TBC1D32: variants seen among roughly 807,000 people sequenced by gnomAD.
TBC1D32 encodes protein broad-minded.
Under a neutral mutation model 170.3 loss-of-function variants are expected in TBC1D32, and 151 were observed. The ratio of observed to expected loss-of-function variants is 0.89; its 90% CI spans 0.78 to 1.01. TBC1D32 has a LOEUF of 1.01. Among genes scored for constraint, TBC1D32 ranks in the 50% least tolerant of loss-of-function variants. The pLI, the probability that TBC1D32 is intolerant of heterozygous loss-of-function variation, is 0.00. For synonymous variants in TBC1D32, 498 were observed against 488.0 expected, an observed-to-expected ratio of 1.02 and a Z score of -0.27; for missense variants, 1,464 against 1,457.1, an observed-to-expected ratio of 1.00 and a Z score of -0.08.
chr6:121,285,629 T>C (rs888215152), intron 12 of TBC1D32, among the ~76,000 whole-genome samples: 4 of 152,090 alleles, frequency 2.6e-5, no homozygotes, highest in African/African-American at 4.8e-5. Context: ...AACTGAGCCT[T>C]GAAGAGAGTA....
chr6:121,169,434 A>G (rs183563248), intron 22 of TBC1D32, among the ~76,000 whole-genome samples: 533 of 152,322 alleles, frequency 3.5e-3, no homozygotes, highest in Non-Finnish European at 5.2e-3. Flanking sequence ...CTTAAAATAC[A>G]AAAGCTAAAT....
intron 15 of TBC1D32, among the ~76,000 whole-genome samples, chr6:121,269,031 G>C (rs190826674): frequency 6.6e-6 from 1 of 152,128 alleles, no homozygotes; most frequent in African/African-American, 2.4e-5. Context: ...AAGTGAAGGA[G>C]AAATCAAATC....
At chr6:121,185,303 A>C (rs1211988932) in intron 22 of TBC1D32, among the ~76,000 whole-genome samples, 1 of 152,070 alleles carries the variant, frequency 6.6e-6, no homozygotes, top group African/African-American at 2.4e-5. Flanking sequence ...CCCATGAGCC[A>C]GAGGTATACG....
intron 9 of TBC1D32, among the ~76,000 whole-genome samples, chr6:121,301,565 A>G (rs891595777): frequency 1.3e-5 from 2 of 152,082 alleles, no homozygotes; most frequent in Non-Finnish European, 2.9e-5. Flanking sequence ...GATGGATAGC[A>G]TTAGGAAAAA....
At chr6:121,110,540 G>A (rs1362089731) in intron 29 of TBC1D32, among the ~76,000 whole-genome samples, 1 of 152,002 alleles carries the variant, frequency 6.6e-6, no homozygotes, top group Non-Finnish European at 1.5e-5. Context: ...ATGTGAGGCT[G>A]AGCTAAAGAA....
At chr6:121,306,844 T>C (rs1228878469) in intron 5 of TBC1D32, among the ~76,000 whole-genome samples, 1 of 152,234 alleles carries the variant, frequency 6.6e-6, no homozygotes, top group Non-Finnish European at 1.5e-5. Context: ...CTATATTTGC[T>C]TTATGATTCA....
intron 26 of TBC1D32, among the ~76,000 whole-genome samples, chr6:121,120,026 A>T (rs1780095033): frequency 6.6e-6 from 1 of 152,142 alleles, no homozygotes; most frequent in African/African-American, 2.4e-5. Context: ...TATAATAAAA[A>T]AATCATTGTT....
At chr6:121,263,718 C>G (rs1009436963) in intron 15 of TBC1D32, among the ~76,000 whole-genome samples, 6 of 152,074 alleles carry the variant, frequency 3.9e-5, no homozygotes, top group African/African-American at 1.4e-4. Flanking sequence ...TCAGCAAATG[C>G]AAAAGAAATG....
At chr6:121,222,959 T>C (rs899729788) in intron 21 of TBC1D32, among the ~76,000 whole-genome samples, 1 of 152,150 alleles carries the variant, frequency 6.6e-6, no homozygotes, top group African/African-American at 2.4e-5. Context: ...CATCTAAAAA[T>C]CACTCACATG....
rs968710749 is a variant in TBC1D32 at position 121,126,402 on chromosome 6, A to G, written c.2959T>C (p.Tyr987His). Residue 987 changes from tyrosine to histidine, a missense_variant, in exon 26 of 32, where the codon TAC becomes CAC. This residue lies in a region of TBC1D32 where 1,363 missense variants were observed against 1,338.1 expected (regional missense o/e 1.02). Transcript: ENST00000398212. ...LHLTESPSECYFPSVEYTATD... is the reference protein window; with the variant it reads ...LHLTESPSECHFPSVEYTATD... ...CCTGTATACTCCACTGAAGGGAAGT[A>G]GCATTCAGATGGGCTTTCAGTGAGA... 2 of 1,612,874 alleles carry G rather than the reference A, an allele frequency of 1.2e-6. No individual in the cohort carries two copies. Among genetic ancestry groups the G allele is most frequent in the Non-Finnish European group, 1.7e-6 (2 of 1,179,398 alleles).
At chr6:121,301,300 A>T (rs1039959330) in intron 9 of TBC1D32, among the ~76,000 whole-genome samples, 8 of 152,234 alleles carry the variant, frequency 5.3e-5, no homozygotes, top group African/African-American at 1.9e-4. Flanking sequence ...CAAATGCCCA[A>T]TGATAGACTG....
intron 24 of TBC1D32, among the ~76,000 whole-genome samples, chr6:121,146,916 C>T (rs1318001970): frequency 1.3e-5 from 2 of 151,982 alleles, no homozygotes; most frequent in Non-Finnish European, 2.9e-5. Context: ...GTCCTGTCAC[C>T]AGGGTGATGA....
chr6:121,281,638 C>G lies in TBC1D32; in HGVS notation c.1514G>C (p.Ser505Thr), dbSNP rs1313173906. The change falls in exon 14 of 32, where the codon AGT becomes ACT. Residue 505 changes from serine to threonine, a missense_variant. Ser to Thr is a moderately conservative substitution (Grantham distance 58, BLOSUM62 1). This residue lies in a region of TBC1D32 where 1,363 missense variants were observed against 1,338.1 expected (regional missense o/e 1.02). Coordinates refer to ENST00000398212, the MANE Select transcript of TBC1D32 (RefSeq NM_152730.6). Reference sequence around the variant, plus strand: ...TTCCACTGCACATTCTTTTTGATCACTGAGTATCCACAGAACTTCAGTCAC... The same window carrying G: ...TTCCACTGCACATTCTTTTTGATCAGTGAGTATCCACAGAACTTCAGTCAC... Reference protein sequence around the residue: ...SMVTEVLWILSDQKECAVECL... With the variant: ...SMVTEVLWILTDQKECAVECL... 2 of 1,605,588 alleles carry G rather than the reference C, an allele frequency of 1.2e-6. No homozygotes were observed.
intron 30 of TBC1D32, among the ~76,000 whole-genome samples, chr6:121,097,629 G>C (rs1377931244): frequency 6.6e-6 from 1 of 152,132 alleles, no homozygotes; most frequent in Non-Finnish European, 1.5e-5. Context: ...GTGGAAGACA[G>C]TGTGGAGATT....
intron 26 of TBC1D32, among the ~76,000 whole-genome samples, chr6:121,124,252 A>T (rs1213493919): frequency 6.6e-6 from 1 of 152,102 alleles, no homozygotes; most frequent in African/African-American, 2.4e-5. Context: ...TTTGTCTGGG[A>T]AAGTCTTATT....
At chr6:121,090,400 G>A (rs1055101189) in intron 31 of TBC1D32, among the ~76,000 whole-genome samples, 3 of 152,108 alleles carry the variant, frequency 2.0e-5, no homozygotes, top group African/African-American at 7.2e-5. Context: ...CACATTTGGT[G>A]ATAACTTTTT....
At chr6:121,266,526 C>T (rs1446277049) in intron 15 of TBC1D32, among the ~76,000 whole-genome samples, 63 of 151,938 alleles carry the variant, frequency 4.1e-4, no homozygotes, top group African/African-American at 1.5e-3. Context: ...GATCTAGACG[C>T]AGAAATATCA....
intron 22 of TBC1D32, among the ~76,000 whole-genome samples, chr6:121,171,953 C>A (rs906190808): frequency 1.3e-5 from 2 of 151,828 alleles, no homozygotes; most frequent in African/African-American, 4.8e-5. Context: ...TAGAAATAAC[C>A]CAAAAGCATG....
At chr6:121,283,255 T>C (rs1479789558) in intron 13 of TBC1D32, among the ~76,000 whole-genome samples, 1 of 151,912 alleles carries the variant, frequency 6.6e-6, no homozygotes, top group Non-Finnish European at 1.5e-5. Flanking sequence ...TATTAAGTGT[T>C]TTACTTTGGA....
Sources: gnomAD v4.1 joint callset for allele counts (sites outside exome capture counted in the v4.1 genomes callset) on GRCh38, gnomAD v4.1.1 for gene constraint, gnomAD v4.1.1 regional missense constraint, MANE v1.5 for transcripts, NCBI Gene and HGNC (gene_info 2026-07-23, HGNC 2026-07-21) for gene names.